Variants in LRRC1 observed in about 807,000 individuals in gnomAD.
LRRC1 encodes leucine rich repeat containing 1.
A neutral mutation model predicts 69.9 loss-of-function variants in LRRC1; 28 were observed. The ratio of observed to expected loss-of-function variants is 0.40; its 90% CI spans 0.30 to 0.55. LRRC1 has a LOEUF of 0.55. LRRC1 is among the 20% of genes least tolerant of loss of function. LRRC1 has a pLI of 0.47. For missense variants in LRRC1, 498 were observed against 609.0 expected (o/e 0.82, Z 1.92); for synonymous variants, 236 against 240.2 (o/e 0.98, Z 0.16).
intron 1 of LRRC1, among the ~76,000 whole-genome samples, chr6:53,821,222 T>C (rs1404927600): frequency 6.6e-6 from 1 of 152,212 alleles, no homozygotes; most frequent in Non-Finnish European, 1.5e-5. Context: ...TGTGTCCACC[T>C]TGGATCTTGA....
chr6:53,907,204 AT>A (rs548461905), intron 10 of LRRC1, among the ~76,000 whole-genome samples: 76 of 152,338 alleles, frequency 5.0e-4, no homozygotes, highest in Non-Finnish European at 9.8e-4. Context: ...TTCCAAAAAT[AT>A]ATTGCTTTCT....
Position 53,895,769 on chromosome 6 carries a change from T to C in LRRC1, c.447-729T>C, listed in dbSNP as rs143993893. On this transcript the variant is annotated intron_variant, in intron 4 of 13. Transcript: ENST00000370888. ...AAACATCTGTCACATTCCACTGTGCTCCTAATAGACTGGATTACATCCAAG... is the reference window on the plus strand; with the variant it reads ...AAACATCTGTCACATTCCACTGTGCCCCTAATAGACTGGATTACATCCAAG... Among the ~76,000 whole-genome samples the C allele has an allele frequency of 2.0e-5, 3 of 152,314 alleles. No individual in the cohort carries two copies. The East Asian group carries it at 5.8e-4, about 29-fold the overall frequency.
In LRRC1 at chr6:53,812,712, A is replaced by AAAAG. The variant is rs56163538; in HGVS notation, c.159+17299_159+17300insAGAA. On this transcript the variant is annotated intron_variant, in intron 1 of 13. Coordinates refer to ENST00000370888, the MANE Select transcript of LRRC1 (RefSeq NM_018214.5). The stretch of plus-strand genomic sequence containing the variant: ...CTCAAAAAAAAAAAAAAAAAAAAAA[A>AAAAG]AATTTGAAGAAAGAGGGGAAGGATG... 6.4e-5 allele frequency among the ~76,000 whole-genome samples: 9 copies of AAAAG among 139,860 alleles called. 1 individual carries two copies. The highest frequency in any genetic ancestry group is 6.1e-5 in the Non-Finnish European group (4 of 65,744). 91.8% of individuals were successfully genotyped at this position (139,860 alleles called of 152,430 possible).
chr6:53,882,277 G>C (rs1317362151), intron 3 of LRRC1, among the ~76,000 whole-genome samples: 1 of 152,228 alleles, frequency 6.6e-6, no homozygotes, highest in Admixed American at 6.5e-5. Flanking sequence ...GAACCCGGGA[G>C]GCGGAGGTTG....
Position 53,904,420 on chromosome 6 carries a change from C to T in LRRC1, c.948C>T (p.Asn316=). ...TTGGAAAACTAAAGAAGTTGAGCAACTTGAATGCAGACAGAAATAAATTAG... is the reference window on the plus strand; with the variant it reads ...TTGGAAAACTAAAGAAGTTGAGCAATTTGAATGCAGACAGAAATAAATTAG... ...KSIGKLKKLS[N]LNADRNKLVS... is the part of the protein sequence containing the mutation. Residue 316 remains asparagine (N), a synonymous_variant, in exon 10 of 14, where the codon AAC becomes AAT. Coordinates refer to ENST00000370888, the MANE Select transcript of LRRC1 (RefSeq NM_018214.5). The T allele has an allele frequency of 6.2e-7, 1 of 1,612,234 alleles. No individual in the cohort carries two copies. The highest frequency in any genetic ancestry group is 8.5e-7 in the Non-Finnish European group (1 of 1,179,196).
intron 1 of LRRC1, among the ~76,000 whole-genome samples, chr6:53,819,754 C>T (rs903538198): frequency 6.6e-6 from 1 of 152,156 alleles, no homozygotes; most frequent in African/African-American, 2.4e-5. Flanking sequence ...GGTTATGCTA[C>T]TACAGAGATA....
chr6:53,862,383 A>AT (rs911505105), intron 2 of LRRC1, among the ~76,000 whole-genome samples: 9 of 151,284 alleles, frequency 5.9e-5, no homozygotes, highest in African/African-American at 1.5e-4. Context: ...AACTGTCCAC[A>AT]TTTTTTTCTG....
At chr6:53,870,898 T>G (rs1766861602) in intron 2 of LRRC1, among the ~76,000 whole-genome samples, 1 of 152,252 alleles carries the variant, frequency 6.6e-6, no homozygotes, top group African/African-American at 2.4e-5. Flanking sequence ...ATATTTGTCT[T>G]TCTGAGTCTG....
chr6:53,806,698 T>A (rs1468537626), intron 1 of LRRC1, among the ~76,000 whole-genome samples: 2 of 152,138 alleles, frequency 1.3e-5, no homozygotes, highest in African/African-American at 2.4e-5. Context: ...TTCATGAGGT[T>A]TAGTAGAACC....
At chr6:53,904,512 A>G in intron 10 of LRRC1, 50 bp downstream of exon 10, 1 of 1,236,174 alleles carries the variant, frequency 8.1e-7, no homozygotes, top group Non-Finnish European at 1.2e-6. Flanking sequence ...AGAAATAATA[A>G]TAATACATAA....
intron 13 of LRRC1, among the ~76,000 whole-genome samples, chr6:53,920,972 T>C (rs1375774372): frequency 2.0e-5 from 3 of 151,214 alleles, no homozygotes; most frequent in African/African-American, 2.4e-5. Flanking sequence ...TTTTTTTTTT[T>C]CTTCTTCTTT....
In LRRC1 at chr6:53,880,910, C is replaced by T. The variant is rs77959470; in HGVS notation, c.356+1839C>T. 3.6e-3 allele frequency among the ~76,000 whole-genome samples: 549 copies of T among 152,218 alleles called. 4 individuals are homozygous for T. Among genetic ancestry groups the T allele is most frequent in the African/African-American group, 0.012 (509 of 41,538 alleles). Reference sequence around the variant, plus strand: ...AGGGTTTGGCAAGCTGGGAAATACTCGTTATGTTGCTGTTGGGTTTTTTTT... The same window carrying T: ...AGGGTTTGGCAAGCTGGGAAATACTTGTTATGTTGCTGTTGGGTTTTTTTT... On this transcript the variant is annotated intron_variant, in intron 3 of 13. Coordinates refer to ENST00000370888, the MANE Select transcript of LRRC1 (RefSeq NM_018214.5).
At chr6:53,880,401 C>T (rs1767251193) in intron 3 of LRRC1, among the ~76,000 whole-genome samples, 1 of 152,194 alleles carries the variant, frequency 6.6e-6, no homozygotes, top group African/African-American at 2.4e-5. Flanking sequence ...TAGCTCCCAT[C>T]TCTATAAGAT....
At chr6:53,853,982 G>T in intron 2 of LRRC1, among the ~76,000 whole-genome samples, 1 of 152,160 alleles carries the variant, frequency 6.6e-6, no homozygotes, top group East Asian at 1.9e-4. Context: ...ATACACTAAC[G>T]TGATGACATC....
chr6:53,914,620 C>G (rs1768510369), intron 11 of LRRC1, among the ~76,000 whole-genome samples: 1 of 152,208 alleles, frequency 6.6e-6, no homozygotes, highest in African/African-American at 2.4e-5. Flanking sequence ...TGTTCATCAT[C>G]TTTGTGGAAC....
chr6:53,847,650 A>G (rs1328836628), intron 2 of LRRC1, among the ~76,000 whole-genome samples: 1 of 152,240 alleles, frequency 6.6e-6, no homozygotes, highest in Admixed American at 6.5e-5. Context: ...AGCCTCTTCT[A>G]GAGGCTGGAC....
intron 2 of LRRC1, among the ~76,000 whole-genome samples, chr6:53,866,232 A>G (rs1766699890): frequency 6.6e-6 from 1 of 152,138 alleles, no homozygotes; most frequent in South Asian, 2.1e-4. Flanking sequence ...ATACTTTACC[A>G]AGTTATAAAG....
intron 1 of LRRC1, among the ~76,000 whole-genome samples, chr6:53,837,294 G>T (rs530988047): frequency 6.6e-6 from 1 of 152,082 alleles, no homozygotes; most frequent in East Asian, 1.9e-4. Flanking sequence ...AAGTCTCACA[G>T]AAAAGAACAA....
Position 53,922,766 on chromosome 6 carries a change from C to T in LRRC1, c.1548C>T (p.Ala516=). Residue 516 remains alanine (A), a synonymous_variant, in exon 14 of 14, where the codon GCC becomes GCT. Transcript: ENST00000370888. ...CAAACAAAAACGAGGTCAATCATGC[C>T]ATTGACCGAGTGACCACTTCTGTGT... is the stretch of plus-strand genomic sequence containing the variant. ...LDSNKNEVNH[A]IDRVTTSV The T allele has an allele frequency of 1.2e-6, 2 of 1,613,930 alleles. No homozygotes were observed. Among genetic ancestry groups the T allele is most frequent in the Non-Finnish European group, 8.5e-7 (1 of 1,179,864 alleles).
Sources: gnomAD v4.1 joint callset for allele counts (sites outside exome capture counted in the v4.1 genomes callset) on GRCh38, gnomAD v4.1.1 for gene constraint, MANE v1.5 for transcripts, NCBI Gene and HGNC (gene_info 2026-07-23, HGNC 2026-07-21) for gene names.